Variants in MAST4 observed in about 807,000 individuals in gnomAD.
The protein encoded by MAST4 is microtubule-associated serine/threonine-protein kinase 4.
MAST4 carries 89 observed loss-of-function variants against 162.7 expected under a neutral mutation model. The ratio of observed to expected loss-of-function variants is 0.55; its 90% CI spans 0.46 to 0.65. The LOEUF (loss-of-function observed/expected upper bound fraction) is 0.65, where lower values mean the gene tolerates loss of function less well. Ranked by LOEUF, MAST4 falls within the 30% of genes least tolerant of loss-of-function variation. The probability of loss-of-function intolerance (pLI) is 0.00; values close to 1 mark genes in which losing one functional copy is unlikely to be tolerated. For synonymous variants in MAST4, 1,479 were observed against 1,361.1 expected (o/e 1.09, Z -1.91); for missense variants, 3,153 against 3,374.0 (o/e 0.93, Z 1.62).
chr5:66,695,874 A>G (rs910790784), intron 1 of MAST4, among the ~76,000 whole-genome samples: 1 of 152,200 alleles, frequency 6.6e-6, no homozygotes. Flanking sequence ...AGGAATATAA[A>G]TCATTCTATT....
At position 67,026,146 on chromosome 5, in the gene MAST4, G is replaced by A. The variant is rs565942251; in HGVS notation, c.675-28258G>A. 3.3e-5 allele frequency among the ~76,000 whole-genome samples: 5 copies of A among 152,300 alleles called. No homozygotes were observed. In the East Asian group the frequency reaches 9.6e-4, roughly 29 times the overall value. On this transcript the variant is annotated intron_variant, in intron 4 of 28. Transcript: ENST00000403625. ...GTTTGTAAGTGTTTTAATGATCAAG[G>A]TCTAAATATACAATGAATAAGAGAA...
At chr5:66,622,179 G>T (rs79486130) in intron 1 of MAST4, among the ~76,000 whole-genome samples, 6 of 152,144 alleles carry the variant, frequency 3.9e-5, no homozygotes, top group African/African-American at 1.4e-4. Flanking sequence ...AGATGTTTCC[G>T]TGAAAGTGAC....
At chr5:66,768,424 G>GTTCA (rs1434194444) in intron 2 of MAST4, among the ~76,000 whole-genome samples, 1 of 152,186 alleles carries the variant, frequency 6.6e-6, no homozygotes, top group Non-Finnish European at 1.5e-5. Context: ...GGTAGTTCAA[G>GTTCA]TGCACCTATA....
At chr5:66,603,089 C>A (rs570329179) in intron 1 of MAST4, among the ~76,000 whole-genome samples, 3 of 152,146 alleles carry the variant, frequency 2.0e-5, no homozygotes, top group African/African-American at 7.2e-5. Context: ...ACATAATAAG[C>A]AAGAAACCTA....
intron 7 of MAST4, among the ~76,000 whole-genome samples, chr5:67,099,844 G>GC (rs1043208798): frequency 1.3e-4 from 20 of 151,184 alleles, no homozygotes; most frequent in African/African-American, 4.9e-4. Flanking sequence ...TATAATCTCA[G>GC]CCCCCTACTC....
intron 4 of MAST4, chr5:66,963,819 C>CT (rs1386958903): frequency 1.3e-6 from 1 of 778,742 alleles, no homozygotes. Flanking sequence ...CCCAGGGCTG[C>CT]TTTGTCTTTC....
At chr5:66,648,218 T>C (rs1370300922) in intron 1 of MAST4, among the ~76,000 whole-genome samples, 1 of 151,996 alleles carries the variant, frequency 6.6e-6, no homozygotes, top group Non-Finnish European at 1.5e-5. Context: ...TACCAGTCAT[T>C]TTAGGGAAGC....
At chr5:66,644,721 T>C (rs974484105) in intron 1 of MAST4, among the ~76,000 whole-genome samples, 1 of 151,890 alleles carries the variant, frequency 6.6e-6, no homozygotes, top group Non-Finnish European at 1.5e-5. Flanking sequence ...TATGATTCTT[T>C]GTTTTGGACA....
chr5:67,076,682 T>A (rs1761689624), intron 5 of MAST4, among the ~76,000 whole-genome samples: 1 of 152,176 alleles, frequency 6.6e-6, no homozygotes, highest in African/African-American at 2.4e-5. Context: ...GCTTTGGCAC[T>A]TCCTGGGCTC....
At chr5:66,879,065 G>T (rs1222252541) in intron 3 of MAST4, among the ~76,000 whole-genome samples, 1 of 152,190 alleles carries the variant, frequency 6.6e-6, no homozygotes, top group African/African-American at 2.4e-5. Context: ...AGATCACGAG[G>T]TCAGGAGATG....
chr5:66,737,920 G>T (rs1752247092), intron 1 of MAST4: 1 of 152,190 alleles, frequency 6.6e-6, no homozygotes, highest in African/African-American at 2.4e-5. Flanking sequence ...GATTCTTCAA[G>T]AACATAGTTT....
intron 3 of MAST4, among the ~76,000 whole-genome samples, chr5:66,859,154 G>A (rs980323295): frequency 6.6e-6 from 1 of 152,014 alleles, no homozygotes; most frequent in East Asian, 1.9e-4. Flanking sequence ...GCATTAGTGA[G>A]GACTTTTAGT....
At chr5:66,715,200 C>T (rs973425422) in intron 1 of MAST4, among the ~76,000 whole-genome samples, 2 of 152,158 alleles carry the variant, frequency 1.3e-5, no homozygotes, top group African/African-American at 4.8e-5. Flanking sequence ...AAGTAATCCC[C>T]ACTCCTCAGG....
chr5:66,747,945 G>T (rs889631345), intron 1 of MAST4, among the ~76,000 whole-genome samples: 2 of 152,188 alleles, frequency 1.3e-5, no homozygotes, highest in Non-Finnish European at 2.9e-5. Context: ...GGTTTAGAGG[G>T]TAAGGTGAAA....
chr5:67,014,202 T>A (rs1663717952), intron 4 of MAST4, among the ~76,000 whole-genome samples: 1 of 152,190 alleles, frequency 6.6e-6, no homozygotes, highest in South Asian at 2.1e-4. Context: ...AACTGGTTTA[T>A]TGTAAAATTA....
At chr5:66,703,590 A>C (rs937395431) in intron 1 of MAST4, among the ~76,000 whole-genome samples, 7 of 152,108 alleles carry the variant, frequency 4.6e-5, no homozygotes, top group Admixed American at 4.6e-4. Context: ...TAACAGCTTT[A>C]TTGGGATATA....
intron 26 of MAST4, among the ~76,000 whole-genome samples, chr5:67,159,796 A>C (rs79665932): frequency 0.022 from 3,391 of 152,218 alleles, 133 homozygotes; most frequent in African/African-American, 0.078. Flanking sequence ...AAATTACCTT[A>C]CCCTGTATGA....
intron 4 of MAST4, among the ~76,000 whole-genome samples, chr5:66,933,576 G>A (rs185521384): frequency 5.1e-4 from 77 of 152,144 alleles, no homozygotes; most frequent in African/African-American, 1.8e-3. Context: ...ATAAACATGT[G>A]TGCATGTTGC....
chr5:67,141,530 G>A (rs1440335693), intron 19 of MAST4, among the ~76,000 whole-genome samples: 1 of 152,132 alleles, frequency 6.6e-6, no homozygotes, highest in Non-Finnish European at 1.5e-5. Flanking sequence ...ACTTGGAAAT[G>A]GTGATGGATA....
Sources: allele counts gnomAD v4.1 joint callset (sites outside exome capture counted in the v4.1 genomes callset), GRCh38; gene constraint gnomAD v4.1.1; transcripts MANE v1.5; gene names NCBI Gene and HGNC (gene_info 2026-07-23, HGNC 2026-07-21).